The following AFF3 variants were observed in gnomAD, a reference collection of about 807,000 sequenced individuals.
AFF3 encodes AF4/FMR2 family member 3.
A neutral mutation model predicts 129.7 loss-of-function variants in AFF3; 32 were observed. That is an observed-to-expected ratio of 0.25 (90% CI 0.19 to 0.33). AFF3 has a LOEUF of 0.33. Ranked by LOEUF, AFF3 falls within the 10% of genes least tolerant of loss-of-function variation. The pLI is 1.00. For synonymous variants in AFF3, 644 were observed against 635.4 expected, an observed-to-expected ratio of 1.01 and a Z score of -0.20; for missense variants, 1,373 against 1,592.0, an observed-to-expected ratio of 0.86 and a Z score of 2.34.
At chr2:99,833,076 G>A (rs1688621660) in intron 8 of AFF3, among the ~76,000 whole-genome samples, 1 of 152,198 alleles carries the variant, frequency 6.6e-6, no homozygotes, top group Non-Finnish European at 1.5e-5. Context: ...AGTAGGCAGA[G>A]AATGGCAAGT....
intron 4 of AFF3, among the ~76,000 whole-genome samples, chr2:100,099,730 C>T (rs927433118): frequency 1.3e-5 from 2 of 152,160 alleles, no homozygotes; most frequent in African/African-American, 4.8e-5. Flanking sequence ...ACACACTGTC[C>T]TTTGCATCCT....
chr2:99,557,194 A>T lies in AFF3; in HGVS notation c.3285+1681T>A, dbSNP rs1317365217. Reference sequence around the variant, plus strand: ...ACACGCAATTTGTTGTTGATTAATTAAAAAAATTTTAAAAATAGCTTTTGA... The same window carrying T: ...ACACGCAATTTGTTGTTGATTAATTTAAAAAATTTTAAAAATAGCTTTTGA... On this transcript the variant is annotated intron_variant, in intron 22 of 24. Transcript: ENST00000672756. Among the ~76,000 whole-genome samples the T allele has an allele frequency of 3.3e-5, 5 of 152,256 alleles. No homozygotes were observed. In the South Asian group the frequency reaches 8.3e-4, roughly 25 times the overall value.
At chr2:99,574,346 T>A (rs1676785952) in intron 18 of AFF3, among the ~76,000 whole-genome samples, 1 of 152,210 alleles carries the variant, frequency 6.6e-6, no homozygotes, top group Non-Finnish European at 1.5e-5. Flanking sequence ...ATTACATTTT[T>A]AAAAATAAAT....
At chr2:99,735,256 C>G (rs550316344) in intron 10 of AFF3, among the ~76,000 whole-genome samples, 1 of 152,032 alleles carries the variant, frequency 6.6e-6, no homozygotes, top group East Asian at 1.9e-4. Context: ...TTATTTGTGC[C>G]TTTTCTCTTT....
chr2:99,895,852 T>G (rs372264001), intron 7 of AFF3, among the ~76,000 whole-genome samples: 2 of 152,110 alleles, frequency 1.3e-5, no homozygotes, highest in Non-Finnish European at 2.9e-5. Context: ...GTGGATCACC[T>G]GAGGTCAGGA....
At chr2:99,648,177 C>T (rs1041267928) in intron 13 of AFF3, among the ~76,000 whole-genome samples, 2 of 151,892 alleles carry the variant, frequency 1.3e-5, no homozygotes, top group Non-Finnish European at 2.9e-5. Context: ...AAAAGTTCAC[C>T]CATTTAAAGC....
intron 7 of AFF3, among the ~76,000 whole-genome samples, chr2:100,002,887 G>GT (rs1681560412): frequency 1.3e-5 from 2 of 152,170 alleles, no homozygotes; most frequent in South Asian, 4.2e-4. Context: ...TGCATGTTAG[G>GT]TTTTTCACAC....
At chr2:99,586,246 G>C (rs1678103848) in intron 16 of AFF3, among the ~76,000 whole-genome samples, 1 of 152,186 alleles carries the variant, frequency 6.6e-6, no homozygotes, top group Non-Finnish European at 1.5e-5. Context: ...CCTGCAAAGA[G>C]GACCGAGGAG....
chr2:99,789,315 G>A (rs1685029692), intron 8 of AFF3, among the ~76,000 whole-genome samples: 1 of 151,922 alleles, frequency 6.6e-6, no homozygotes, highest in South Asian at 2.1e-4. Flanking sequence ...GGGCAAGGTG[G>A]TACATGCCTG....
In AFF3 at chr2:99,786,168, A is replaced by G. The variant is rs183275897; in HGVS notation, c.922-33867T>C. Among the ~76,000 whole-genome samples the G allele has an allele frequency of 5.9e-5, 9 of 152,286 alleles. No individual in the cohort carries two copies. The East Asian group carries it at 1.7e-3, about 29-fold the overall frequency. On this transcript the variant is annotated intron_variant, in intron 8 of 24. Transcript: ENST00000672756. The stretch of plus-strand genomic sequence containing the variant: ...CTGCAAAAGGATGGTAGGGAGATGA[A>G]GGGTTTGGGCTTTTTATTCTGACTG...
At chr2:100,124,226 GA>G (rs1338860407) in intron 2 of AFF3, among the ~76,000 whole-genome samples, 2 of 152,138 alleles carry the variant, frequency 1.3e-5, no homozygotes, top group Middle Eastern at 3.4e-3. Flanking sequence ...GGCTGGAGTT[GA>G]AAAAAATTAT....
chr2:99,871,120 G>C (rs1272070396), intron 7 of AFF3, among the ~76,000 whole-genome samples: 1 of 152,024 alleles, frequency 6.6e-6, no homozygotes, highest in Non-Finnish European at 1.5e-5. Context: ...CTAAAATATT[G>C]TATAAATCAC....
chr2:99,710,363 C>T (rs1267670132), intron 11 of AFF3, among the ~76,000 whole-genome samples: 1 of 152,172 alleles, frequency 6.6e-6, no homozygotes, highest in South Asian at 2.1e-4. Flanking sequence ...AAGGGATTAT[C>T]ATGCCTCAGC....
intron 15 of AFF3, among the ~76,000 whole-genome samples, chr2:99,591,461 A>G (rs1370075688): frequency 4.6e-5 from 7 of 152,212 alleles, no homozygotes; most frequent in African/African-American, 1.7e-4. Context: ...TGCTAGGATT[A>G]GAGGCTTGAG....
intron 7 of AFF3, among the ~76,000 whole-genome samples, chr2:99,909,220 G>C (rs1694943732): frequency 6.6e-6 from 1 of 151,460 alleles, no homozygotes; most frequent in African/African-American, 2.4e-5. Context: ...ATCATTCTCA[G>C]CAAACTATCG....
At chr2:99,895,941 C>T (rs1026949905) in intron 7 of AFF3, among the ~76,000 whole-genome samples, 8 of 151,660 alleles carry the variant, frequency 5.3e-5, no homozygotes, top group African/African-American at 9.7e-5. Context: ...TGGTGGCACA[C>T]GCCTGTAGTC....
chr2:99,997,539 C>T (rs1191914965), intron 7 of AFF3, among the ~76,000 whole-genome samples: 2 of 151,570 alleles, frequency 1.3e-5, no homozygotes, highest in African/African-American at 2.4e-5. Flanking sequence ...TGACCCATTA[C>T]AGCTCATTCT....
chr2:99,594,551 T>C (rs188613363), intron 14 of AFF3, among the ~76,000 whole-genome samples: 2 of 152,326 alleles, frequency 1.3e-5, no homozygotes, highest in East Asian at 1.9e-4. Flanking sequence ...AAGGAAAGCA[T>C]TGTGTCTCAT....
chr2:100,084,362 C>A (rs1689263806), intron 4 of AFF3, among the ~76,000 whole-genome samples: 1 of 152,220 alleles, frequency 6.6e-6, no homozygotes, highest in Non-Finnish European at 1.5e-5. Flanking sequence ...ACGTATTATT[C>A]TTTCTTTTCC....
Sources: gnomAD v4.1 joint callset for allele counts (sites outside exome capture counted in the v4.1 genomes callset) on GRCh38, gnomAD v4.1.1 for gene constraint, MANE v1.5 for transcripts, NCBI Gene and HGNC (gene_info 2026-07-23, HGNC 2026-07-21) for gene names.